The following GLYATL2 variants were observed in gnomAD, a reference collection of about 807,000 sequenced individuals.
GLYATL2 encodes the protein glycine N-acyltransferase-like protein 2.
GLYATL2 carries 25 observed loss-of-function variants against 21.4 expected under a neutral mutation model. That is an observed-to-expected ratio of 1.17 (90% confidence interval 0.85 to 1.63). GLYATL2 has a LOEUF of 1.63. GLYATL2 is among the 40% of genes most tolerant of loss of function. The pLI is 0.00. For missense variants in GLYATL2, 361 were observed against 343.3 expected (o/e 1.05, Z -0.41); for synonymous variants, 114 against 118.2 (o/e 0.96, Z 0.23).
Position 58,834,348 on chromosome 11 carries a change from G to T in GLYATL2, c.*81C>A. The T allele has an allele frequency of 8.7e-7, 1 of 1,147,092 alleles. No individual in the cohort carries two copies. The highest frequency in any genetic ancestry group is 1.2e-6 in the Non-Finnish European group (1 of 810,492). 71.1% of individuals were successfully genotyped at this position (1,147,092 alleles called of 1,614,324 possible). On this transcript the variant is annotated 3_prime_UTR_variant, in exon 6 of 6. Coordinates refer to ENST00000287275, the MANE Select transcript of GLYATL2 (RefSeq NM_145016.4). ...TCCTAGATAATCAGTTGCATTTTGT[G>T]CTAATGTAGATCACAATGCTTGTGT...
Position 58,896,682 on chromosome 11 carries a change from T to C in GLYATL2, n.60+7474A>G, listed in dbSNP as rs189944065. On this transcript the variant is annotated intron_variant and non_coding_transcript_variant, in intron 1 of 4. Coordinates refer to the GLYATL2 transcript ENST00000533636. The stretch of plus-strand genomic sequence containing the variant: ...GAGAGGCTGCAATAAAAGCATATCC[T>C]AGGCAACTTTCCACTTCTTAACTTC... 3.0e-4 allele frequency among the ~76,000 whole-genome samples: 46 copies of C among 151,894 alleles called. 1 individual carries two copies. The highest frequency in any genetic ancestry group is 8.5e-4 in the Admixed American group (13 of 15,226).
upstream of GLYATL2, among the ~76,000 whole-genome samples, chr11:58,906,859 G>A (rs1032513569): frequency 1.2e-4 from 18 of 152,154 alleles, no homozygotes; most frequent in Non-Finnish European, 2.6e-4. Flanking sequence ...AAACAACGCG[G>A]TGCTCATTTG....
chr11:58,874,341 T>G lies in GLYATL2; in HGVS notation n.60+29815A>C, dbSNP rs1854186148. On this transcript the variant is annotated intron_variant and non_coding_transcript_variant, in intron 1 of 4. Transcript: ENST00000533636. ...CTTGCCTTCTGCTAGCTTTTGAATG[T>G]GTTTGCTTTTGCTTCTCTAGTTCTT... 2.6e-5 allele frequency among the ~76,000 whole-genome samples: 4 copies of G among 152,356 alleles called. No homozygotes were observed. The South Asian group carries it at 8.3e-4, about 32-fold the overall frequency.
chr11:58,879,161 T>C lies in GLYATL2; in HGVS notation n.60+24995A>G, dbSNP rs576297105. The stretch of plus-strand genomic sequence containing the variant: ...TTTTCATAATTCTCATCTTTAACTA[T>C]GGTTCCAGTCCCTTCCATTTTTTTT... On this transcript the variant is annotated intron_variant and non_coding_transcript_variant, in intron 1 of 4. Coordinates refer to the GLYATL2 transcript ENST00000533636. Among the ~76,000 whole-genome samples the C allele has an allele frequency of 1.8e-4, 17 of 93,556 alleles. No individual in the cohort carries two copies. The East Asian group carries it at 5.6e-3, about 31-fold the overall frequency. 61.4% of individuals were successfully genotyped at this position (93,556 alleles called of 152,430 possible).
chr11:58,842,785 T>C (rs1283134713), intron 1 of GLYATL2, among the ~76,000 whole-genome samples: 2 of 152,190 alleles, frequency 1.3e-5, no homozygotes, highest in African/African-American at 4.8e-5. Context: ...TTTAACTTCA[T>C]AGAGGCAAGA....
rs1491170226 is a variant in GLYATL2 at position 58,842,519 on chromosome 11, T to TGTGC, written c.-41+1914_-41+1915insGCAC. On this transcript the variant is annotated intron_variant, in intron 1 of 5. Transcript: ENST00000287275. ...GTGTGTGTGTGTGTGTGTGTGTGTG[T>TGTGC]GCGCCCTGTGATGGAAAGGTGTCCA... Among the ~76,000 whole-genome samples, 90 of 133,898 alleles carry TGTGC rather than the reference T, an allele frequency of 6.7e-4. 2 individuals are homozygous for TGTGC. The highest frequency in any genetic ancestry group is 1.9e-3 in the African/African-American group (70 of 36,248). 87.8% of individuals were successfully genotyped at this position (133,898 alleles called of 152,430 possible).
Position 58,874,151 on chromosome 11 carries a change from T to G in GLYATL2, n.60+30005A>C, listed in dbSNP as rs185451825. Among the ~76,000 whole-genome samples, 241 of 152,334 alleles carry G rather than the reference T, an allele frequency of 1.6e-3. 1 individual carries two copies. Among genetic ancestry groups the G allele is most frequent in the African/African-American group, 5.6e-3 (231 of 41,578 alleles). On this transcript the variant is annotated intron_variant and non_coding_transcript_variant, in intron 1 of 4. Transcript: ENST00000533636. Reference sequence around the variant, plus strand: ...GTGATATCTATCCCCTTTGTCATTTTTTTATTGCATCTATTTGATTCTCCT... The same window carrying G: ...GTGATATCTATCCCCTTTGTCATTTGTTTATTGCATCTATTTGATTCTCCT...
At chr11:58,900,681 C>G (rs911402618) in intron 1 of GLYATL2, among the ~76,000 whole-genome samples, 2 of 152,164 alleles carry the variant, frequency 1.3e-5, no homozygotes, top group Admixed American at 6.5e-5. Flanking sequence ...CCACTATGAG[C>G]CGAAGCAACC....
At position 58,874,842 on chromosome 11, in the gene GLYATL2, C is replaced by T. The variant is rs541711411; in HGVS notation, n.60+29314G>A. 5.3e-3 allele frequency among the ~76,000 whole-genome samples: 813 copies of T among 152,140 alleles called. 9 individuals carry two copies. The highest frequency in any genetic ancestry group is 0.019 in the African/African-American group (782 of 41,474). The stretch of plus-strand genomic sequence containing the variant: ...GAGCTGAGTTCAATTCCTGGGTATC[C>T]TTGTTGACTTTCTGTCTCGTTGATC... On this transcript the variant is annotated intron_variant and non_coding_transcript_variant, in intron 1 of 4. Coordinates refer to the GLYATL2 transcript ENST00000533636.
At chr11:58,902,697 T>C (rs916142061) in intron 1 of GLYATL2, among the ~76,000 whole-genome samples, 3 of 152,332 alleles carry the variant, frequency 2.0e-5, no homozygotes, top group Admixed American at 2.0e-4. Flanking sequence ...TACCACAAAA[T>C]GACCCAACGA....
chr11:58,834,872 A>T (rs1853400689), intron 5 of GLYATL2, 35 bp from the exon 6 acceptor site: 1 of 1,473,054 alleles, frequency 6.8e-7, no homozygotes, highest in African/African-American at 1.4e-5. Flanking sequence ...TTATTCAGCC[A>T]ATATTACCAA....
intron 1 of GLYATL2, among the ~76,000 whole-genome samples, chr11:58,855,554 G>A (rs111561196): frequency 4.1e-4 from 62 of 152,304 alleles, no homozygotes; most frequent in African/African-American, 1.4e-3. Flanking sequence ...TTTTTGGAAT[G>A]GTAAGTGAGC....
At position 58,834,520 on chromosome 11, in the gene GLYATL2, T is replaced by C. The variant is rs759936342; in HGVS notation, c.794A>G (p.Glu265Gly). The C allele has an allele frequency of 1.9e-6, 3 of 1,613,742 alleles. No homozygotes were observed. The South Asian group carries it at 3.3e-5, about 18-fold the overall frequency. Residue 265 changes from glutamate to glycine, a missense_variant, in exon 6 of 6, where the codon GAG becomes GGG. Physicochemically the swap from Glu to Gly is moderately conservative, Grantham distance 98 (BLOSUM62 -2). Coordinates refer to ENST00000287275, the MANE Select transcript of GLYATL2 (RefSeq NM_145016.4). ...ATTGTTCAGTGCCTGTAGGCTTTTC[T>C]CATTATTATCTGCCACATGGAAATA... The part of the protein sequence containing the change: ...PFYFHVADNN[E>G]KSLQALNNLG...
At chr11:58,895,572 C>T (rs1355346036) in intron 1 of GLYATL2, among the ~76,000 whole-genome samples, 2 of 152,192 alleles carry the variant, frequency 1.3e-5, no homozygotes, top group African/African-American at 2.4e-5. Flanking sequence ...TCTAGAGGCT[C>T]CTGGTCCCCA....
rs1327809289 is a variant in GLYATL2, at chr11:58,837,003, G to T, written c.476+12C>A. 9 of 1,608,412 alleles carry T rather than the reference G, an allele frequency of 5.6e-6. No homozygotes were observed. Among genetic ancestry groups the T allele is most frequent in the Middle Eastern group, 1.7e-4 (1 of 6,030 alleles). ...TATCAAGGAATTTGGGAAGCAAAAG[G>T]TAAAATCTCACTTGTTATCATCATC... On this transcript the variant is annotated intron_variant, in intron 5 of 5. Coordinates refer to ENST00000287275, the MANE Select transcript of GLYATL2 (RefSeq NM_145016.4).
chr11:58,879,684 C>T (rs772254225), intron 1 of GLYATL2, among the ~76,000 whole-genome samples: 5 of 151,972 alleles, frequency 3.3e-5, no homozygotes, highest in Admixed American at 6.6e-5. Context: ...ATACAGGGAA[C>T]GAGTAATTGT....
intron 1 of GLYATL2, among the ~76,000 whole-genome samples, chr11:58,877,234 C>T (rs1457298735): frequency 6.6e-6 from 1 of 152,240 alleles, no homozygotes; most frequent in Non-Finnish European, 1.5e-5. Context: ...TCTTGTGCTT[C>T]CCAGGTGAGG....
intron 1 of GLYATL2, among the ~76,000 whole-genome samples, chr11:58,843,678 A>G (rs1853593156): frequency 6.6e-6 from 1 of 152,186 alleles, no homozygotes; most frequent in African/African-American, 2.4e-5. Context: ...AAGCCATGGA[A>G]GAAAGTACTT....
intron 1 of GLYATL2, among the ~76,000 whole-genome samples, chr11:58,856,085 C>G (rs543446834): frequency 3.9e-5 from 6 of 152,158 alleles, no homozygotes; most frequent in Non-Finnish European, 7.4e-5. Flanking sequence ...GAGCCCTGAT[C>G]GCTGCACCAC....
Sources: gnomAD v4.1 joint callset for allele counts (sites outside exome capture counted in the v4.1 genomes callset) on GRCh38, gnomAD v4.1.1 for gene constraint, MANE v1.5 for transcripts, NCBI Gene and HGNC (gene_info 2026-07-23, HGNC 2026-07-21) for gene names.